Variants in NMRK1 observed in about 807,000 individuals in gnomAD.
NMRK1 encodes the protein nicotinamide riboside kinase 1.
In NMRK1, 28 loss-of-function variants were observed where a neutral mutation model predicts 29.9. The observed-to-expected ratio is 0.94, with a 90% CI of 0.69 to 1.28. NMRK1 has a LOEUF of 1.28. Ranked by LOEUF, NMRK1 falls within the 50% of genes most tolerant of loss-of-function variation. The pLI, the probability that NMRK1 is intolerant of heterozygous loss-of-function variation, is 0.00. For synonymous variants in NMRK1, 58 were observed against 73.0 expected (o/e 0.79, Z 1.05); for missense variants, 218 against 233.1 (o/e 0.94, Z 0.42).
intron 2 of NMRK1, 136 bp from the exon 3 acceptor site, chr9:75,077,716 A>C (rs1587391853): frequency 1.6e-6 from 1 of 621,310 alleles, no homozygotes; most frequent in Non-Finnish European, 2.9e-6. Flanking sequence ...GCTCACTGCA[A>C]CCTCCGATTC....
intron 8 of NMRK1, 138 bp downstream of exon 8, chr9:75,066,619 G>A: frequency 1.4e-6 from 1 of 693,234 alleles, no homozygotes; most frequent in Non-Finnish European, 2.6e-6. Flanking sequence ...TTCTGATTCT[G>A]AATTATCCTC....
In NMRK1 at chr9:75,078,335, A is replaced by G. The variant is rs79329079; in HGVS notation, c.30-755T>C. 2.8e-4 allele frequency: 444 copies of G among 1,571,248 alleles called. 1 individual carries two copies. The East Asian group carries it at 9.9e-3, about 35-fold the overall frequency. The stretch of plus-strand genomic sequence containing the variant: ...TTACAAGCCCACCTACCATGAAATC[A>G]CATTTCCTCTGCGATGCCTCCTTTT... On this transcript the variant is annotated intron_variant, in intron 2 of 8. Transcript: ENST00000361092.
chr9:75,086,908 G>GTT (rs10652376), intron 1 of NMRK1, among the ~76,000 whole-genome samples: 39,156 of 142,854 alleles, frequency 0.27, 6,016 homozygotes, highest in East Asian at 0.42. Context: ...TCAAGGCTGG[G>GTT]TTTTTTTTTT....
chr9:75,077,112 A>C (rs1182046802), intron 4 of NMRK1, 47 bp downstream of exon 4: 1 of 1,189,910 alleles, frequency 8.4e-7, no homozygotes, highest in Non-Finnish European at 1.2e-6. Flanking sequence ...GGTTTGAAAA[A>C]GAAAATGAAC....
At chr9:75,061,688 G>GTATA in intron 8 of NMRK1, 121 bp from the exon 9 acceptor site, 1 of 778,808 alleles carries the variant, frequency 1.3e-6, no homozygotes, top group Non-Finnish European at 2.1e-6. Context: ...AGCCAAAAAT[G>GTATA]CTGGTTTCCT....
intron 1 of NMRK1, among the ~76,000 whole-genome samples, chr9:75,084,564 G>A (rs1045698301): frequency 6.6e-6 from 1 of 152,230 alleles, no homozygotes; most frequent in Admixed American, 6.5e-5. Context: ...CAAGGCAGGC[G>A]GATTGCTTGA....
At chr9:75,063,305 C>CAA (rs35418961) in intron 8 of NMRK1, among the ~76,000 whole-genome samples, 17,665 of 119,478 alleles carry the variant, frequency 0.15, 1,532 homozygotes, top group Non-Finnish European at 0.21. Flanking sequence ...GACTCCATCT[C>CAA]AAAAAAAAAA....
chr9:75,076,299 T>C (rs148488008), intron 4 of NMRK1, among the ~76,000 whole-genome samples: 154 of 152,242 alleles, frequency 1.0e-3, no homozygotes, highest in African/African-American at 3.3e-3. Flanking sequence ...CGGGAGGCCA[T>C]TATGTTAAAT....
intron 2 of NMRK1, chr9:75,078,219 A>G: frequency 6.7e-7 from 1 of 1,491,494 alleles, no homozygotes; most frequent in South Asian, 1.3e-5. Context: ...AGAGAATATG[A>G]GTAGCACATT....
intron 6 of NMRK1, 30 bp downstream of exon 6, chr9:75,069,712 A>G: frequency 6.3e-7 from 1 of 1,578,274 alleles, no homozygotes; most frequent in Non-Finnish European, 8.7e-7. Flanking sequence ...GTTTTGAATT[A>G]CAACTCACAA....
intron 2 of NMRK1, among the ~76,000 whole-genome samples, chr9:75,079,926 G>A (rs1313293958): frequency 6.6e-6 from 1 of 152,172 alleles, no homozygotes; most frequent in Non-Finnish European, 1.5e-5. Flanking sequence ...TTCTGTCCTA[G>A]GATCTGAGGA....
intron 8 of NMRK1, among the ~76,000 whole-genome samples, chr9:75,065,955 T>C (rs188930317): frequency 1.3e-5 from 2 of 152,234 alleles, no homozygotes; most frequent in African/African-American, 2.4e-5. Context: ...TAGGAGGATG[T>C]TGTTGTCAAC....
In NMRK1 at chr9:75,064,348, T is replaced by C. The variant is rs571600940; in HGVS notation, c.580+2409A>G. ...CCAACAGCTGAAACACTCCTGGAAG[T>C]GCCTCATTAGGGACAGAAAGGGGAG... On this transcript the variant is annotated intron_variant, in intron 8 of 8. Coordinates refer to ENST00000361092, the MANE Select transcript of NMRK1 (RefSeq NM_017881.3). Among the ~76,000 whole-genome samples, 11 of 152,206 alleles carry C rather than the reference T, an allele frequency of 7.2e-5. No individual in the cohort carries two copies. The South Asian group carries it at 2.3e-3, about 32-fold the overall frequency.
rs147739827 is a variant in NMRK1 at position 75,066,790 on chromosome 9, C to T, written c.547G>A (p.Glu183Lys). ...TTTGCTAGTTCTTGTATTAGATCTT[C>T]ATATACTTGCAAAAAGAGGTCCTCT... ...SEEDLFLQVYEDLIQELAKQK... is the reference protein window; with the variant it reads ...SEEDLFLQVYKDLIQELAKQK... The change falls in exon 8 of 9, where the codon GAA becomes AAA. Residue 183 changes from glutamate to lysine, a missense_variant. Coordinates refer to ENST00000361092, the MANE Select transcript of NMRK1 (RefSeq NM_017881.3). 4 of 1,608,966 alleles carry T rather than the reference C, an allele frequency of 2.5e-6. No individual in the cohort carries two copies. The highest frequency in any genetic ancestry group is 3.4e-6 in the Non-Finnish European group (4 of 1,175,448).
At chr9:75,063,565 T>C (rs10869488) in intron 8 of NMRK1, among the ~76,000 whole-genome samples, 20,967 of 152,174 alleles carry the variant, frequency 0.14, 1,804 homozygotes, top group Non-Finnish European at 0.19. Context: ...TCTTACTCTG[T>C]TGGATAATTT....
chr9:75,072,368 A>G (rs777991312), intron 4 of NMRK1, among the ~76,000 whole-genome samples: 7 of 152,188 alleles, frequency 4.6e-5, no homozygotes, highest in Non-Finnish European at 8.8e-5. Flanking sequence ...GGACTAATCC[A>G]TCTTGGCTGG....
Position 75,088,144 on chromosome 9 carries a change from G to C in NMRK1, c.-172C>G, listed in dbSNP as rs1296094826. 1 of 152,382 alleles carries C rather than the reference G, an allele frequency of 6.6e-6. No individual in the cohort carries two copies. Among genetic ancestry groups the C allele is most frequent in the Non-Finnish European group, 1.5e-5 (1 of 68,252 alleles). The allele number at this position is 152,382 out of a possible 1,614,324, so 9.4% of individuals were successfully genotyped here. A position where few individuals can be genotyped will look rare whatever the true frequency, so the allele number is the denominator to read the frequency against. On this transcript the variant is annotated 5_prime_UTR_variant, in exon 1 of 9. Coordinates refer to ENST00000361092, the MANE Select transcript of NMRK1 (RefSeq NM_017881.3). ...CTTTCCCCACGCTCCTCCTGGGTTA[G>C]AGGGATGCCAGGTAGGGGCGGTCAC...
rs1338959760 is a variant in NMRK1, at chr9:75,077,569, C to G, written c.41G>C (p.Ser14Thr). 3 of 1,612,384 alleles carry G rather than the reference C, an allele frequency of 1.9e-6. No individual in the cohort carries two copies. In the African/African-American group the frequency reaches 4.0e-5, roughly 22 times the overall value. The change falls in exon 3 of 9, where the codon AGT (serine) becomes ACT (threonine). Residue 14 changes from serine to threonine, a missense_variant. Coordinates refer to ENST00000361092, the MANE Select transcript of NMRK1 (RefSeq NM_017881.3). Reference protein sequence around the residue: ...FIIGISGVTNSGKTTLAKNLQ... With the variant: ...FIIGISGVTNTGKTTLAKNLQ... ...ATTCTTAGCCAGTGTTGTTTTGCCACTGTTTGTCACACTGAAGCAAAGAAA... is the reference window on the plus strand; with the variant it reads ...ATTCTTAGCCAGTGTTGTTTTGCCAGTGTTTGTCACACTGAAGCAAAGAAA...
chr9:75,068,976 G>A lies in NMRK1; in HGVS notation c.496+20C>T, dbSNP rs745788152. 3.0e-5 allele frequency: 46 copies of A among 1,533,374 alleles called. No homozygotes were observed. In the South Asian group the frequency reaches 4.8e-4, roughly 16 times the overall value. 95.0% of individuals were successfully genotyped at this position (1,533,374 alleles called of 1,614,324 possible). ...AATGACAAGTAAAAGGCCTTGAACA[G>A]AAGGAGAAAAGGCACTTACCAACTT... On this transcript the variant is annotated intron_variant, in intron 7 of 8. Coordinates refer to ENST00000361092, the MANE Select transcript of NMRK1 (RefSeq NM_017881.3).
Sources: allele counts gnomAD v4.1 joint callset (sites outside exome capture counted in the v4.1 genomes callset), GRCh38; gene constraint gnomAD v4.1.1; transcripts MANE v1.5; gene names NCBI Gene and HGNC (gene_info 2026-07-23, HGNC 2026-07-21).